Variants in NUDT17 observed in about 807,000 individuals in gnomAD.
The protein encoded by NUDT17 is nudix hydrolase 17, also known as m7GpppN-mRNA hydrolase NUDT17.
In NUDT17, 38 loss-of-function variants were observed where a neutral mutation model predicts 38.6. That is an observed-to-expected ratio of 0.98 (90% CI 0.76 to 1.29). NUDT17 has a LOEUF of 1.29. Among genes scored for constraint, NUDT17 ranks in the 50% most tolerant of loss-of-function variants. NUDT17 has a pLI of 0.00. For synonymous variants in NUDT17, 192 were observed against 167.8 expected (o/e 1.14, Z -1.11); for missense variants, 462 against 415.2 (o/e 1.11, Z -0.98).
intron 4 of NUDT17, 24 bp from the exon 5 acceptor site, chr1:145,847,226 A>T: frequency 7.4e-7 from 1 of 1,345,234 alleles, no homozygotes. Flanking sequence ...GAAAGTTCTC[A>T]CTTTTGCTGT....
intron 6 of NUDT17, 135 bp from the exon 7 acceptor site, chr1:145,847,977 C>A: frequency 9.8e-7 from 1 of 1,025,518 alleles, no homozygotes; most frequent in Non-Finnish European, 1.4e-6. Flanking sequence ...CCTCCTTGAA[C>A]CTGTTTCCTT....
chr1:145,846,796 AC>A, intron 4 of NUDT17, 106 bp downstream of exon 4: 1 of 799,996 alleles, frequency 1.3e-6, no homozygotes, highest in Non-Finnish European at 2.2e-6. Context: ...CAAATCCATA[AC>A]CCTCACCCAT....
intron 6 of NUDT17, 82 bp downstream of exon 6, chr1:145,847,801 T>A: frequency 1.4e-6 from 2 of 1,452,162 alleles, no homozygotes; most frequent in Non-Finnish European, 1.9e-6. Context: ...GTCCTCAGGA[T>A]GGAATTTTGT....
intron 6 of NUDT17, 108 bp downstream of exon 6, chr1:145,847,827 T>A: frequency 8.6e-7 from 1 of 1,158,030 alleles, no homozygotes; most frequent in Non-Finnish European, 1.3e-6. Context: ...GGGGGAGATT[T>A]AAGGAGAGTG....
intron 4 of NUDT17, 76 bp downstream of exon 4, chr1:145,846,766 C>G (rs148741791): frequency 8.0e-6 from 8 of 1,005,704 alleles, no homozygotes; most frequent in Middle Eastern, 2.1e-4. Flanking sequence ...AACAATAGCA[C>G]ATAAGTGGGC....
intron 1 of NUDT17, 47 bp from the exon 2 acceptor site, chr1:145,845,966 A>G: frequency 6.4e-7 from 1 of 1,558,480 alleles, no homozygotes; most frequent in Non-Finnish European, 8.7e-7. Flanking sequence ...ACGCCCACCC[A>G]GTGCCGCCCT....
chr1:145,847,674 C>G lies in NUDT17; in HGVS notation c.686C>G (p.Thr229Arg), dbSNP rs1652773814. 6.2e-7 allele frequency: 1 copy of G among 1,614,080 alleles called. No homozygotes were observed. Among genetic ancestry groups the G allele is most frequent in the Non-Finnish European group, 8.5e-7 (1 of 1,180,012 alleles). The change falls in exon 6 of 8, where the codon ACA becomes AGA. Residue 229 changes from threonine (T) to arginine (R), a missense_variant. Physicochemically the swap from Thr to Arg is moderately conservative, Grantham distance 71. Coordinates refer to ENST00000334513, the MANE Select transcript of NUDT17 (RefSeq NM_001012758.3). ...GCAGTGGCTGCCGCAGAGGATGGGA[C>G]AGAGACACCCGGACTTCTCCCCCAG... ...AAAVAAAEDG[T>R]ETPGLLPQDL...
intron 4 of NUDT17, among the ~76,000 whole-genome samples, chr1:145,847,009 T>C (rs1211732614): frequency 6.6e-6 from 1 of 152,158 alleles, no homozygotes; most frequent in Non-Finnish European, 1.5e-5. Flanking sequence ...CTGGACAACA[T>C]GGCGAAACCC....
intron 5 of NUDT17, 80 bp downstream of exon 5, chr1:145,847,428 C>A (rs1461002870): frequency 1.9e-6 from 1 of 527,270 alleles, no homozygotes; most frequent in Non-Finnish European, 3.6e-6. Flanking sequence ...AGGAGCTGGG[C>A]GGGGGTGGCG....
In NUDT17 at chr1:145,846,013, C is replaced by T. The variant is rs375355925; in HGVS notation, c.193C>T (p.Arg65Ter). The T allele has an allele frequency of 4.4e-6, 7 of 1,597,762 alleles. No individual in the cohort carries two copies. Among genetic ancestry groups the T allele is most frequent in the Non-Finnish European group, 6.0e-6 (7 of 1,172,974 alleles). The change falls in exon 2 of 8, where the codon CGA becomes TGA. Residue 65 changes from arginine (R) to a stop codon, truncating the protein, a stop_gained and splice_region_variant. Transcript: ENST00000334513. LOFTEE classifies it high-confidence loss of function. ...PGASARLPLQ[R>*]PPFCPFAALE... ...AACCCAGCTGGCTTCCTTCTGCCAGCGACCCCCTTTCTGCCCTTTTGCGGC... is the reference window on the plus strand; with the variant it reads ...AACCCAGCTGGCTTCCTTCTGCCAGTGACCCCCTTTCTGCCCTTTTGCGGC...
chr1:145,847,516 G>C, intron 5 of NUDT17, 67 bp from the exon 6 acceptor site: 1 of 1,594,374 alleles, frequency 6.3e-7, no homozygotes, highest in Non-Finnish European at 8.6e-7. Context: ...CCTGCGGGTA[G>C]GTTTTGATCA....
In NUDT17 at chr1:145,846,195, G is replaced by A. The variant is rs1553732445; in HGVS notation, c.375G>A (p.Pro125=). ...TTTCCCCCAACCTCTGGGTACCCCC[G>A]GGTGAGTATTCTGGGGACAAGGCCC... ...LSVSPNLWVP[P]GGHVELEEEL... The change falls in exon 2 of 8, where the codon CCG becomes CCA. Residue 125 remains proline (P), a splice_region_variant and synonymous_variant. Transcript: ENST00000334513. 8 of 1,582,684 alleles carry A rather than the reference G, an allele frequency of 5.1e-6. No individual in the cohort carries two copies. Among genetic ancestry groups the A allele is most frequent in the Middle Eastern group, 1.7e-4 (1 of 6,024 alleles).
rs1652836756 is a variant in NUDT17, at chr1:145,848,778, A to G, written c.*299A>G. The G allele has an allele frequency of 3.6e-6, 1 of 280,122 alleles. No homozygotes were observed. Among genetic ancestry groups the G allele is most frequent in the South Asian group, 7.2e-5 (1 of 13,842 alleles). The allele number at this position is 280,122 out of a possible 1,614,324, so 17.4% of individuals were successfully genotyped here. Reference sequence around the variant, plus strand: ...ATAAATAGAGAGAGACCCAAGCAATAGGCCGGGCCTGACTCCCAGACCCCT... The same window carrying G: ...ATAAATAGAGAGAGACCCAAGCAATGGGCCGGGCCTGACTCCCAGACCCCT... On this transcript the variant is annotated 3_prime_UTR_variant, in exon 8 of 8. Transcript: ENST00000334513.
chr1:145,847,791 GTCCT>G, intron 6 of NUDT17, 72 bp downstream of exon 6: 2 of 1,512,746 alleles, frequency 1.3e-6, no homozygotes, highest in Non-Finnish European at 1.8e-6. Flanking sequence ...CGTCTATCCT[GTCCT>G]CAGGATGGAA....
In NUDT17 at chr1:145,847,580, C is replaced by T. The variant is rs1553732917; in HGVS notation, c.595-3C>T. 6.2e-7 allele frequency: 1 copy of T among 1,612,868 alleles called. No homozygotes were observed. The highest frequency in any genetic ancestry group is 2.2e-5 in the East Asian group (1 of 44,884). ...ACTGAGGGGTCACCATGTCTGACCC[C>T]AGGCCCGGATCCAACCAAACCCAAA... On this transcript the variant is annotated splice_region_variant and splice_polypyrimidine_tract_variant and intron_variant, in intron 5 of 7. Transcript: ENST00000334513.
chr1:145,846,168 C>T lies in NUDT17; in HGVS notation c.348C>T (p.Ser116=), dbSNP rs1273078798. The T allele has an allele frequency of 6.3e-7, 1 of 1,594,130 alleles. No homozygotes were observed. The highest frequency in any genetic ancestry group is 1.7e-4 in the Middle Eastern group (1 of 6,042). ...VLLTRRARTL[S]VSPNLWVPPG... ...TAACCCGAAGGGCACGCACCCTGAG[C>T]GTTTCCCCCAACCTCTGGGTACCCC... Residue 116 remains serine, a synonymous_variant, in exon 2 of 8, where the codon AGC becomes AGT. Coordinates refer to ENST00000334513, the MANE Select transcript of NUDT17 (RefSeq NM_001012758.3).
intron 4 of NUDT17, 37 bp from the exon 5 acceptor site, chr1:145,847,213 A>T: frequency 8.4e-7 from 1 of 1,187,750 alleles, no homozygotes; most frequent in Non-Finnish European, 1.2e-6. Context: ...AAAAAAAGTG[A>T]CGGAAAGTTC....
In NUDT17 at chr1:145,845,827, C is replaced by T; in HGVS notation, c.187C>T (p.Leu63Phe). The stretch of plus-strand genomic sequence containing the variant: ...CCCAGGCGCCTCCGCTAGGCTTCCG[C>T]TCCAGGTCGGCAGAAGGGGGCCCCA... ...PFPGASARLP[L>F]QRPPFCPFAA... Residue 63 changes from leucine (L) to phenylalanine (F), a missense_variant, in exon 1 of 8, where the codon CTC becomes TTC. Physicochemically the swap from Leu to Phe is conservative, Grantham distance 22 (BLOSUM62 0). Coordinates refer to ENST00000334513, the MANE Select transcript of NUDT17 (RefSeq NM_001012758.3). The T allele has an allele frequency of 1.3e-6, 2 of 1,593,682 alleles. No individual in the cohort carries two copies. The highest frequency in any genetic ancestry group is 2.3e-5 in the South Asian group (2 of 87,916).
chr1:145,846,685 T>C lies in NUDT17; in HGVS notation c.490T>C (p.Trp164Arg), dbSNP rs782615139. 10 of 1,609,934 alleles carry C rather than the reference T, an allele frequency of 6.2e-6. No homozygotes were observed. The East Asian group carries it at 2.0e-4, about 32-fold the overall frequency. The change falls in exon 4 of 8, where the codon TGG (tryptophan) becomes CGG (arginine). Residue 164 changes from tryptophan to arginine, a missense_variant. Coordinates refer to ENST00000334513, the MANE Select transcript of NUDT17 (RefSeq NM_001012758.3). ...GQFSWVPLGL[W>R]ESAYPPRLSW... Reference sequence around the variant, plus strand: ...GTTCTCTTGGGTCCCTCTGGGTTTATGGGAGGTGAGACAAGTAGCTGGGAG... The same window carrying C: ...GTTCTCTTGGGTCCCTCTGGGTTTACGGGAGGTGAGACAAGTAGCTGGGAG...
Sources: allele counts gnomAD v4.1 joint callset (sites outside exome capture counted in the v4.1 genomes callset), GRCh38; gene constraint gnomAD v4.1.1; transcripts MANE v1.5; gene names NCBI Gene and HGNC (gene_info 2026-07-23, HGNC 2026-07-21).